Variants in DCBLD2 observed in about 807,000 individuals in gnomAD.
DCBLD2 encodes the protein discoidin, CUB and LCCL domain containing 2.
In DCBLD2, 54 loss-of-function variants were observed where a neutral mutation model predicts 86.8. The observed-to-expected ratio is 0.62, with a 90% CI of 0.50 to 0.78. DCBLD2 has a LOEUF of 0.78. DCBLD2 is among the 30% of genes least tolerant of loss of function. DCBLD2 has a pLI of 0.00. For synonymous variants in DCBLD2, 354 were observed against 341.3 expected (o/e 1.04, Z -0.41); for missense variants, 908 against 954.2 (o/e 0.95, Z 0.64).
Position 98,882,500 on chromosome 3 carries a change from C to T in DCBLD2, c.206-733G>A, listed in dbSNP as rs7629555. Among the ~76,000 whole-genome samples, 376 of 152,094 alleles carry T rather than the reference C, an allele frequency of 2.5e-3. 6 individuals are homozygous for T. The highest frequency in any genetic ancestry group is 8.8e-3 in the African/African-American group (366 of 41,496). ...CGCAGGTTACACAGATATACATGTG[C>T]CATGTTGGTTTGCTGTGCCCATCAA... On this transcript the variant is annotated intron_variant, in intron 1 of 15. Transcript: ENST00000326840.
chr3:98,900,207 G>A (rs1576211739), intron 1 of DCBLD2, among the ~76,000 whole-genome samples: 1 of 152,110 alleles, frequency 6.6e-6, no homozygotes, highest in Non-Finnish European at 1.5e-5. Flanking sequence ...GGGCTTAAAG[G>A]CAGAGAACAA....
chr3:98,808,254 C>T, intron 12 of DCBLD2, 80 bp from the exon 13 acceptor site: 12 of 1,219,750 alleles, frequency 9.8e-6, no homozygotes, highest in Non-Finnish European at 1.4e-5. Context: ...AAATTAACCA[C>T]ATCATCTTTC....
chr3:98,836,925 C>A (rs1319854144), intron 3 of DCBLD2, among the ~76,000 whole-genome samples: 1 of 76,820 alleles, frequency 1.3e-5, no homozygotes, highest in African/African-American at 5.1e-5. Context: ...GGGGGGCTGA[C>A]CCCCCCACCT....
At chr3:98,869,153 G>C (rs1054551305) in intron 2 of DCBLD2, among the ~76,000 whole-genome samples, 5 of 152,126 alleles carry the variant, frequency 3.3e-5, no homozygotes, top group Non-Finnish European at 5.9e-5. Flanking sequence ...ATTCTGACTA[G>C]GGCAAAGTGG....
chr3:98,865,792 G>A (rs963997067), intron 2 of DCBLD2, among the ~76,000 whole-genome samples: 3 of 151,820 alleles, frequency 2.0e-5, no homozygotes, highest in Admixed American at 6.6e-5. Flanking sequence ...CATGTGACAC[G>A]CTGGTGTGCT....
At chr3:98,899,915 C>T (rs1343155753) in intron 1 of DCBLD2, among the ~76,000 whole-genome samples, 1 of 152,072 alleles carries the variant, frequency 6.6e-6, no homozygotes, top group Non-Finnish European at 1.5e-5. Context: ...GGAAATACAT[C>T]TCTACAGTGG....
chr3:98,859,657 G>T (rs951704661), intron 2 of DCBLD2, among the ~76,000 whole-genome samples: 2 of 152,220 alleles, frequency 1.3e-5, no homozygotes, highest in Admixed American at 6.5e-5. Flanking sequence ...GACCTCAGCT[G>T]AGGGCTATGA....
chr3:98,819,407 TC>T lies in DCBLD2; in HGVS notation c.881del (p.Gly294GlufsTer9), dbSNP rs768253450. On this transcript the variant is annotated frameshift_variant, in exon 8 of 16. Transcript: ENST00000326840. LOFTEE classifies it high-confidence loss of function. Reference protein sequence around the residue: ...LFTFKTSGCYGTLGMESGVIA... With the variant: ...LFTFKTSGCYXTLGMESGVIA... ...TCACACCAGACTCCATCCCCAGTGT[TC>T]CATAACATCCTGAAACAAAGAAAAG... 1.9e-6 allele frequency: 3 copies of T among 1,613,760 alleles called. No individual in the cohort carries two copies. The South Asian group carries it at 3.3e-5, about 18-fold the overall frequency.
rs1309824877 is a variant in DCBLD2, at chr3:98,849,457, T to G, written c.571+4A>C. The G allele has an allele frequency of 6.2e-7, 1 of 1,613,930 alleles. No individual in the cohort carries two copies. ...TAGGAACCATTGCAAAAGGTGAAAA[T>G]TACCTTGTTTATCTATAACAGAGTA... is the stretch of plus-strand genomic sequence containing the variant. On this transcript the variant is annotated splice_donor_region_variant and intron_variant, in intron 3 of 15. Transcript: ENST00000326840.
At chr3:98,843,199 T>C (rs536479294) in intron 3 of DCBLD2, among the ~76,000 whole-genome samples, 1 of 152,296 alleles carries the variant, frequency 6.6e-6, no homozygotes, top group African/African-American at 2.4e-5. Flanking sequence ...GTTAATTATA[T>C]TATACATACA....
intron 2 of DCBLD2, among the ~76,000 whole-genome samples, chr3:98,875,284 C>T (rs569643132): frequency 6.6e-6 from 1 of 152,138 alleles, no homozygotes; most frequent in Non-Finnish European, 1.5e-5. Flanking sequence ...CAGGATATAA[C>T]AGCAAAACAA....
chr3:98,850,449 T>C (rs1576180973), intron 2 of DCBLD2, among the ~76,000 whole-genome samples: 1 of 152,290 alleles, frequency 6.6e-6, no homozygotes, highest in East Asian at 1.9e-4. Flanking sequence ...AGGCCACAGG[T>C]TGGACAAGCT....
Position 98,796,947 on chromosome 3 carries a change from G to C in DCBLD2, c.*2425C>G, listed in dbSNP as rs1941612791. On this transcript the variant is annotated 3_prime_UTR_variant, in exon 16 of 16. Coordinates refer to ENST00000326840, the MANE Select transcript of DCBLD2 (RefSeq NM_080927.4). ...TGCAAGCAAAGGATAAAAATTCAAG[G>C]GAATTTTGTCAGATATGGTTACTTT... 1 of 151,598 alleles carries C rather than the reference G, an allele frequency of 6.6e-6. No individual in the cohort carries two copies. Among genetic ancestry groups the C allele is most frequent in the Non-Finnish European group, 1.5e-5 (1 of 67,910 alleles). 9.4% of individuals were successfully genotyped at this position (151,598 alleles called of 1,614,324 possible). A position where few individuals can be genotyped will look rare whatever the true frequency, so the allele number is the denominator to read the frequency against.
rs747451684 is a variant in DCBLD2 at position 98,881,594 on chromosome 3, G to C, written c.379C>G (p.His127Asp). 6.2e-7 allele frequency: 1 copy of C among 1,613,848 alleles called. No homozygotes were observed. Reference protein sequence around the residue: ...DFDIEDSDSCHFNYLRIYNGI... With the variant: ...DFDIEDSDSCDFNYLRIYNGI... ...TTATAAATTCTCAAGTAATTAAAGT[G>C]ACAAGAATCAGAATCTTCAATGTCA... Residue 127 changes from histidine to aspartate, a missense_variant, in exon 2 of 16, where the codon CAC (histidine) becomes GAC (aspartate). By Grantham distance (81) the His-to-Asp change is moderately conservative (BLOSUM62 -1). Transcript: ENST00000326840.
intron 2 of DCBLD2, among the ~76,000 whole-genome samples, chr3:98,878,812 G>A (rs565883295): frequency 6.6e-6 from 1 of 152,226 alleles, no homozygotes; most frequent in African/African-American, 2.4e-5. Context: ...GAGGAGAATA[G>A]GAAAAAGCAA....
intron 3 of DCBLD2, among the ~76,000 whole-genome samples, chr3:98,845,489 C>A (rs1368836099): frequency 6.6e-6 from 1 of 152,170 alleles, no homozygotes; most frequent in African/African-American, 2.4e-5. Context: ...TATAACGAGA[C>A]CTCTTAATTC....
At chr3:98,889,976 A>C (rs1417987477) in intron 1 of DCBLD2, among the ~76,000 whole-genome samples, 1 of 151,534 alleles carries the variant, frequency 6.6e-6, no homozygotes, top group Non-Finnish European at 1.5e-5. Flanking sequence ...CCCATCTACC[A>C]CCTTTTTCTC....
intron 3 of DCBLD2, among the ~76,000 whole-genome samples, chr3:98,833,487 G>A (rs1454178089): frequency 2.6e-5 from 4 of 152,178 alleles, no homozygotes; most frequent in South Asian, 2.1e-4. Flanking sequence ...TAGTGCAATC[G>A]TTAGGAGGAC....
At chr3:98,875,281 T>C (rs1231117901) in intron 2 of DCBLD2, among the ~76,000 whole-genome samples, 3 of 152,096 alleles carry the variant, frequency 2.0e-5, no homozygotes, top group African/African-American at 7.2e-5. Context: ...TTACAGGATA[T>C]AACAGCAAAA....
Sources: gnomAD v4.1 joint callset for allele counts (sites outside exome capture counted in the v4.1 genomes callset) on GRCh38, gnomAD v4.1.1 for gene constraint, MANE v1.5 for transcripts, NCBI Gene and HGNC (gene_info 2026-07-23, HGNC 2026-07-21) for gene names.